KYNU: variants seen among roughly 807,000 people sequenced by gnomAD.
KYNU encodes the protein L-kynurenine hydrolase.
Under a neutral mutation model 59.2 loss-of-function variants are expected in KYNU, and 54 were observed. The observed-to-expected ratio is 0.91, with a 90% CI of 0.73 to 1.14. The LOEUF is 1.14. Among genes scored for constraint, KYNU ranks in the 50% most tolerant of loss-of-function variants. The pLI, the probability that KYNU is intolerant of heterozygous loss-of-function variation, is 0.00. For synonymous variants in KYNU, 177 were observed against 192.0 expected, an observed-to-expected ratio of 0.92 and a Z score of 0.65; for missense variants, 567 against 554.4, an observed-to-expected ratio of 1.02 and a Z score of -0.23.
intron 10 of KYNU, among the ~76,000 whole-genome samples, chr2:143,028,847 TCAAACAAAA>T (rs1288416345): frequency 1.2e-5 from 1 of 81,776 alleles, no homozygotes. Flanking sequence ...AAACTCTGTC[TCAAACAAAA>T]CAAAACAAAA....
intron 4 of KYNU, among the ~76,000 whole-genome samples, chr2:142,948,967 C>T (rs964294220): frequency 3.9e-5 from 6 of 152,230 alleles, no homozygotes; most frequent in Non-Finnish European, 7.3e-5. Context: ...AATGGAGGTA[C>T]AGGCACTGGG....
intron 10 of KYNU, among the ~76,000 whole-genome samples, chr2:143,017,434 C>CTTTTTTTTTTTTTTTTTTT (rs1184177776): frequency 1.5e-4 from 10 of 68,448 alleles, no homozygotes; most frequent in East Asian, 4.1e-4. Flanking sequence ...TCTCTTTTTT[C>CTTTTTTTTTTTTTTTTTTT]TTTTTTTTTT....
At chr2:142,949,062 T>C (rs1352596796) in intron 4 of KYNU, among the ~76,000 whole-genome samples, 2 of 152,338 alleles carry the variant, frequency 1.3e-5, no homozygotes, top group East Asian at 3.9e-4. Flanking sequence ...AGTGGGGCAG[T>C]CAAATCTTAA....
Position 142,958,104 on chromosome 2 carries a change from A to G in KYNU, c.582+389A>G, listed in dbSNP as rs894148915. ...TTTGTTAAAATGGAATCGTGACTAT[A>G]TTTCATGTCCCCTCTTACTCTAAGT... On this transcript the variant is annotated intron_variant, in intron 7 of 13. Transcript: ENST00000264170. 5 of 236,700 alleles carry G rather than the reference A, an allele frequency of 2.1e-5. No individual in the cohort carries two copies. In the South Asian group the frequency reaches 2.2e-4, roughly 10 times the overall value. The allele number at this position is 236,700 out of a possible 1,614,324, so 14.7% of individuals were successfully genotyped here.
chr2:142,899,295 G>A (rs1381832102), intron 2 of KYNU, among the ~76,000 whole-genome samples: 2 of 152,152 alleles, frequency 1.3e-5, no homozygotes, highest in African/African-American at 4.8e-5. Context: ...GTGCTCTCAG[G>A]CGATATATGA....
intron 2 of KYNU, among the ~76,000 whole-genome samples, chr2:142,896,476 T>C (rs1681880920): frequency 6.6e-6 from 1 of 152,226 alleles, no homozygotes; most frequent in Non-Finnish European, 1.5e-5. Context: ...ACTACTTTTT[T>C]TTAATTGGAT....
At chr2:142,958,953 T>C (rs1684253703) in intron 7 of KYNU, among the ~76,000 whole-genome samples, 1 of 151,610 alleles carries the variant, frequency 6.6e-6, no homozygotes. Context: ...CAATTTTACT[T>C]ACAATTAATG....
At chr2:142,978,843 T>C (rs1684970112) in intron 8 of KYNU, among the ~76,000 whole-genome samples, 1 of 152,136 alleles carries the variant, frequency 6.6e-6, no homozygotes, top group African/African-American at 2.4e-5. Flanking sequence ...ATTAAGAGTC[T>C]TCACAGTTCA....
chr2:142,930,837 T>C (rs1683186271), intron 4 of KYNU, among the ~76,000 whole-genome samples: 5 of 152,156 alleles, frequency 3.3e-5, no homozygotes, highest in Admixed American at 3.3e-4. Flanking sequence ...ACCATAGTTG[T>C]AAGGTTTCTG....
At chr2:143,012,006 A>AAC (rs1241134316) in intron 10 of KYNU, among the ~76,000 whole-genome samples, 3 of 149,104 alleles carry the variant, frequency 2.0e-5, no homozygotes, top group Admixed American at 1.3e-4. Flanking sequence ...TGGCACATGT[A>AAC]TACATATGTA....
rs563008401 is a variant in KYNU at position 142,943,776 on chromosome 2, C to T, written c.374-11034C>T. Among the ~76,000 whole-genome samples, 367 of 152,276 alleles carry T rather than the reference C, an allele frequency of 2.4e-3. 1 individual carries two copies. Among genetic ancestry groups the T allele is most frequent in the African/African-American group, 8.5e-3 (352 of 41,552 alleles). On this transcript the variant is annotated intron_variant, in intron 4 of 13. Coordinates refer to ENST00000264170, the MANE Select transcript of KYNU (RefSeq NM_003937.3). ...CTATCCCCCCACAGCTGCAGACCCT[C>T]AGTCATGTACCAGCCACCTCTAAAG...
chr2:142,978,655 A>G (rs185543780), intron 8 of KYNU, among the ~76,000 whole-genome samples: 48 of 152,288 alleles, frequency 3.2e-4, no homozygotes, highest in African/African-American at 1.2e-3. Flanking sequence ...AAGGGCTGCA[A>G]CCATGGTTGG....
chr2:142,965,577 T>G (rs1684501216), intron 8 of KYNU, among the ~76,000 whole-genome samples: 2 of 152,186 alleles, frequency 1.3e-5, no homozygotes. Flanking sequence ...AAATCTCATT[T>G]CTATTTAAGG....
At chr2:142,982,938 ATT>A (rs58307553) in intron 8 of KYNU, among the ~76,000 whole-genome samples, 2,433 of 152,146 alleles carry the variant, frequency 0.016, 64 homozygotes, top group African/African-American at 0.056. Flanking sequence ...GGCAGGGGTA[ATT>A]CCTAAGACCA....
intron 10 of KYNU, among the ~76,000 whole-genome samples, chr2:143,014,335 T>A (rs946726504): frequency 1.3e-5 from 2 of 152,222 alleles, no homozygotes; most frequent in African/African-American, 4.8e-5. Context: ...GGAACCTGAA[T>A]CAGGTATGAA....
chr2:142,920,857 C>T (rs925631564), intron 3 of KYNU, among the ~76,000 whole-genome samples: 35 of 152,176 alleles, frequency 2.3e-4, no homozygotes, highest in African/African-American at 6.3e-4. Flanking sequence ...GATGCCTGAT[C>T]ACCTGCCTCT....
intron 10 of KYNU, among the ~76,000 whole-genome samples, chr2:143,024,772 A>G (rs535818424): frequency 4.1e-4 from 63 of 152,184 alleles, no homozygotes; most frequent in Middle Eastern, 3.4e-3. Flanking sequence ...CATTTTTTCA[A>G]TGTAGATTCA....
At chr2:142,948,935 A>G (rs893695068) in intron 4 of KYNU, among the ~76,000 whole-genome samples, 1 of 152,240 alleles carries the variant, frequency 6.6e-6, no homozygotes, top group African/African-American at 2.4e-5. Context: ...GATAAATGGC[A>G]AGTTAATTAT....
At chr2:143,030,315 A>C (rs1686703172) in intron 11 of KYNU, among the ~76,000 whole-genome samples, 2 of 151,862 alleles carry the variant, frequency 1.3e-5, no homozygotes, top group Non-Finnish European at 2.9e-5. Context: ...TAGAAGTGAA[A>C]CTCTACCATG....
Sources: gnomAD v4.1 joint callset for allele counts (sites outside exome capture counted in the v4.1 genomes callset) on GRCh38, gnomAD v4.1.1 for gene constraint, MANE v1.5 for transcripts, NCBI Gene and HGNC (gene_info 2026-07-23, HGNC 2026-07-21) for gene names.